CPNE2: variants seen among roughly 807,000 people sequenced by gnomAD.
The protein encoded by CPNE2 is copine 2.
CPNE2 carries 42 observed loss-of-function variants against 69.7 expected under a neutral mutation model. The ratio of observed to expected loss-of-function variants is 0.60; its 90% CI spans 0.47 to 0.78. The LOEUF is 0.78. Ranked by LOEUF, CPNE2 falls within the 30% of genes least tolerant of loss-of-function variation. The pLI is 0.00. For missense variants in CPNE2, 587 were observed against 732.0 expected (o/e 0.80, Z 2.29); for synonymous variants, 294 against 289.8 (o/e 1.01, Z -0.15).
At chr16:57,140,381 AG>A (rs2069912611) in intron 14 of CPNE2, among the ~76,000 whole-genome samples, 1 of 151,984 alleles carries the variant, frequency 6.6e-6, no homozygotes, top group Middle Eastern at 3.4e-3. Context: ...CATGTTGGCC[AG>A]GCCTGTCTCA....
intron 9 of CPNE2, 87 bp from the exon 10 acceptor site, chr16:57,123,327 T>G: frequency 7.3e-7 from 1 of 1,361,202 alleles, no homozygotes; most frequent in Non-Finnish European, 1.0e-6. Flanking sequence ...TTGTCCCTAC[T>G]GAGGTTGCAG....
intron 1 of CPNE2, among the ~76,000 whole-genome samples, chr16:57,102,898 G>C (rs1017032411): frequency 1.3e-5 from 2 of 151,972 alleles, no homozygotes. Context: ...CACCATGCCC[G>C]GCCCTCTCAA....
chr16:57,147,483 C>G (rs146304121), intron 15 of CPNE2, 68 bp from the exon 16 acceptor site: 1 of 1,179,092 alleles, frequency 8.5e-7, no homozygotes, highest in Non-Finnish European at 1.2e-6. Flanking sequence ...GGCATAGTGC[C>G]GCTCACAACT....
chr16:57,130,176 C>T lies in CPNE2; in HGVS notation c.1116+2273C>T, dbSNP rs191285797. On this transcript the variant is annotated intron_variant, in intron 12 of 15. Transcript: ENST00000290776. The surrounding 1 kb of genome is among the most constrained non-coding windows in gnomAD (Gnocchi z 4.1). ...AGGGTGGATCACAAGGTGAGGAGTTCGAGACCAGCCTGGCCAACATGGTGA... is the reference window on the plus strand; with the variant it reads ...AGGGTGGATCACAAGGTGAGGAGTTTGAGACCAGCCTGGCCAACATGGTGA... Among the ~76,000 whole-genome samples, 464 of 151,596 alleles carry T rather than the reference C, an allele frequency of 3.1e-3. 1 individual carries two copies. Among genetic ancestry groups the T allele is most frequent in the African/African-American group, 0.011 (446 of 41,342 alleles).
chr16:57,099,578 G>C (rs1200407184), intron 1 of CPNE2, among the ~76,000 whole-genome samples: 1 of 146,898 alleles, frequency 6.8e-6, no homozygotes, highest in South Asian at 2.2e-4. Flanking sequence ...AATTTTGGCC[G>C]TCCTGGGGGT....
intron 1 of CPNE2, among the ~76,000 whole-genome samples, chr16:57,106,434 G>C (rs761190122): frequency 6.6e-6 from 1 of 152,220 alleles, no homozygotes; most frequent in Non-Finnish European, 1.5e-5. Context: ...GCAGAGGGGC[G>C]GGGGTAGGGT....
chr16:57,115,814 G>A (rs911280447), intron 4 of CPNE2, among the ~76,000 whole-genome samples: 5 of 152,242 alleles, frequency 3.3e-5, no homozygotes, highest in Non-Finnish European at 7.3e-5. Context: ...CCTGGGGGTC[G>A]TTCAGAAGTG....
At chr16:57,145,290 A>AGAGAGACGT (rs1471637486) in intron 14 of CPNE2, among the ~76,000 whole-genome samples, 1 of 152,186 alleles carries the variant, frequency 6.6e-6, no homozygotes, top group East Asian at 1.9e-4. Context: ...AGCAAATGTT[A>AGAGAGACGT]GAGAGACGTG....
At chr16:57,121,648 G>A (rs1229610375) in intron 8 of CPNE2, 26 bp from the exon 9 acceptor site, 7 of 1,610,572 alleles carry the variant, frequency 4.3e-6, no homozygotes, top group Non-Finnish European at 5.9e-6. Context: ...CCCGAGGTGA[G>A]TGTCTCTTTC....
At chr16:57,133,786 CTG>C (rs796137247) in intron 12 of CPNE2, among the ~76,000 whole-genome samples, 3 of 152,328 alleles carry the variant, frequency 2.0e-5, no homozygotes, top group African/African-American at 7.2e-5. Flanking sequence ...CTAGTCCACT[CTG>C]TGTCTCAGTT....
chr16:57,128,876 T>C (rs1185368448), intron 12 of CPNE2, among the ~76,000 whole-genome samples: 1 of 152,194 alleles, frequency 6.6e-6, no homozygotes. Context: ...TTTCTGTTTC[T>C]GAGTCATAGT....
chr16:57,129,632 A>G (rs1314698763), intron 12 of CPNE2, among the ~76,000 whole-genome samples: 3 of 152,252 alleles, frequency 2.0e-5, no homozygotes, highest in Non-Finnish European at 4.4e-5. Context: ...CTTCCTGGCC[A>G]GCATGGCAAA....
At chr16:57,093,723 CT>C (rs1167033210) in intron 1 of CPNE2, among the ~76,000 whole-genome samples, 9 of 152,022 alleles carry the variant, frequency 5.9e-5, no homozygotes, top group African/African-American at 1.7e-4. Flanking sequence ...ACAAAACGCC[CT>C]TTTTTTTGTC....
chr16:57,129,137 A>C (rs1420290802), intron 12 of CPNE2: 2 of 152,950 alleles, frequency 1.3e-5, no homozygotes, highest in Non-Finnish European at 2.9e-5. Flanking sequence ...GACGAGCTGG[A>C]GGAACTGGCA....
At chr16:57,122,024 C>A (rs1380816887) in intron 9 of CPNE2, among the ~76,000 whole-genome samples, 1 of 152,254 alleles carries the variant, frequency 6.6e-6, no homozygotes, top group Non-Finnish European at 1.5e-5. Context: ...ACGAGCTGAC[C>A]TTCCAGGGCC....
chr16:57,099,926 C>T (rs1433412183), intron 1 of CPNE2, among the ~76,000 whole-genome samples: 1 of 151,976 alleles, frequency 6.6e-6, no homozygotes, highest in Non-Finnish European at 1.5e-5. Context: ...CAGGCGCGTG[C>T]ACCACGCCCA....
At chr16:57,095,525 T>G (rs1371038800) in intron 1 of CPNE2, among the ~76,000 whole-genome samples, 2 of 152,180 alleles carry the variant, frequency 1.3e-5, no homozygotes, top group Non-Finnish European at 2.9e-5. Flanking sequence ...CAGGCCGGAG[T>G]GCACTGGTGT....
intron 8 of CPNE2, 91 bp downstream of exon 8, chr16:57,121,282 A>T (rs2069760221): frequency 3.7e-6 from 4 of 1,067,942 alleles, no homozygotes; most frequent in African/African-American, 1.6e-5. Flanking sequence ...TGGGGCTGAG[A>T]TCCCCCTTCT....
At chr16:57,145,931 C>T (rs2069953873) in intron 14 of CPNE2, 154 bp from the exon 15 acceptor site, 1 of 659,314 alleles carries the variant, frequency 1.5e-6, no homozygotes, top group Admixed American at 2.3e-5. Context: ...GTGCTGAGAG[C>T]AGGACGCATA....
Sources: allele counts gnomAD v4.1 joint callset (sites outside exome capture counted in the v4.1 genomes callset), GRCh38; gene constraint gnomAD v4.1.1; non-coding constraint Gnocchi (gnomAD v3.1); transcripts MANE v1.5; gene names NCBI Gene and HGNC (gene_info 2026-07-23, HGNC 2026-07-21).